COL27A1: variants seen among roughly 807,000 people sequenced by gnomAD.
COL27A1 encodes the protein collagen alpha-1(XXVII) chain.
In COL27A1, 106 loss-of-function variants were observed where a neutral mutation model predicts 251.3. The ratio of observed to expected loss-of-function variants is 0.42; its 90% CI spans 0.36 to 0.50. The LOEUF (loss-of-function observed/expected upper bound fraction) is 0.50, where lower values mean the gene tolerates loss of function less well. Ranked by LOEUF, COL27A1 falls within the 20% of genes least tolerant of loss-of-function variation. COL27A1 has a pLI of 0.00. For missense variants in COL27A1, 2,325 were observed against 2,522.8 expected (o/e 0.92, Z 1.68); for synonymous variants, 1,000 against 986.3 (o/e 1.01, Z -0.26).
At chr9:114,156,452 T>C (rs1176333612) in intron 1 of COL27A1, among the ~76,000 whole-genome samples, 1 of 152,066 alleles carries the variant, frequency 6.6e-6, no homozygotes, top group African/African-American at 2.4e-5. Context: ...TGTGAAATTG[T>C]CCGCAAGTTT....
chr9:114,168,802 C>G lies in COL27A1; in HGVS notation c.1247C>G (p.Ala416Gly). ...CCACCTACTTCCCGTCCAGTTCCTG[C>G]CAGAGTCTCCCGTCCCGCAGAGAAG... ...QVPPTSRPVP[A>G]RVSRPAEKPI... The change falls in exon 3 of 61, where the codon GCC becomes GGC. Residue 416 changes from alanine to glycine, a missense_variant. This residue lies in a region of COL27A1 where 1,183 missense variants were observed against 1,144.1 expected (regional missense o/e 1.03). Coordinates refer to ENST00000356083, the MANE Select transcript of COL27A1 (RefSeq NM_032888.4). 6.2e-7 allele frequency: 1 copy of G among 1,614,050 alleles called. No homozygotes were observed. Among genetic ancestry groups the G allele is most frequent in the African/African-American group, 1.3e-5 (1 of 75,046 alleles).
At chr9:114,186,473 T>TA (rs774100051) in intron 5 of COL27A1, among the ~76,000 whole-genome samples, 6 of 152,148 alleles carry the variant, frequency 3.9e-5, no homozygotes, top group Non-Finnish European at 8.8e-5. Flanking sequence ...AATGCAGACT[T>TA]ACACCATGAT....
chr9:114,236,966 C>A lies in COL27A1; in HGVS notation c.2620-15C>A. 6.2e-7 allele frequency: 1 copy of A among 1,613,590 alleles called. No homozygotes were observed. Among genetic ancestry groups the A allele is most frequent in the Non-Finnish European group, 8.5e-7 (1 of 1,179,846 alleles). ...TCTTCCTCACTAACCCCAGCCTGCT[C>A]TGGATCTCTTCCAGGGGAGCCAGGG... On this transcript the variant is annotated splice_polypyrimidine_tract_variant and intron_variant, in intron 17 of 60. Transcript: ENST00000356083.
chr9:114,165,467 CATCT>C (rs530046431), intron 2 of COL27A1, among the ~76,000 whole-genome samples: 81 of 150,604 alleles, frequency 5.4e-4, no homozygotes, highest in African/African-American at 1.5e-3. Flanking sequence ...CCCATCCATC[CATCT>C]ATCTACCAAT....
rs934294786 is a variant in COL27A1 at position 114,178,469 on chromosome 9, T to G, written c.1962+125T>G. On this transcript the variant is annotated intron_variant, in intron 4 of 60. Coordinates refer to ENST00000356083, the MANE Select transcript of COL27A1 (RefSeq NM_032888.4). ...TCCCTCCCCCTCTCTGGCACCCATA[T>G]TTGGCTTTATCCATTTGGAGTGGAC... is the stretch of plus-strand genomic sequence containing the variant. 6 of 868,854 alleles carry G rather than the reference T, an allele frequency of 6.9e-6. No individual in the cohort carries two copies. In the South Asian group the frequency reaches 8.7e-5, roughly 13 times the overall value. The allele number at this position is 868,854 out of a possible 1,614,324, so 53.8% of individuals were successfully genotyped here. A position where few individuals can be genotyped will look rare whatever the true frequency, so the allele number is the denominator to read the frequency against.
At chr9:114,181,957 C>T (rs1290523088) in intron 4 of COL27A1, among the ~76,000 whole-genome samples, 2 of 152,124 alleles carry the variant, frequency 1.3e-5, no homozygotes, top group Non-Finnish European at 2.9e-5. Flanking sequence ...GGTCTGATCA[C>T]GTGTTGTAGC....
chr9:114,284,085 C>T (rs35169188), intron 40 of COL27A1, among the ~76,000 whole-genome samples: 23 of 152,340 alleles, frequency 1.5e-4, no homozygotes, highest in Non-Finnish European at 1.9e-4. Context: ...TCCAGGTTGG[C>T]ACCTTCTTAG....
rs369369527 is a variant in COL27A1 at position 114,309,313 on chromosome 9, C to G, written c.5271C>G (p.Ser1757=). The change falls in exon 60 of 61, where the codon TCC becomes TCG. Residue 1757 remains serine, a synonymous_variant. Transcript: ENST00000356083. The part of the protein sequence containing the change: ...VQMNFLHLLS[S]EVTQHITIHC... ...TGAATTTCCTGCACCTGCTAAGCTCCGAGGTGACCCAGCACATCACCATCC... is the reference window on the plus strand; with the variant it reads ...TGAATTTCCTGCACCTGCTAAGCTCGGAGGTGACCCAGCACATCACCATCC... The G allele has an allele frequency of 6.2e-7, 1 of 1,614,012 alleles. No homozygotes were observed. Among genetic ancestry groups the G allele is most frequent in the Non-Finnish European group, 8.5e-7 (1 of 1,180,034 alleles).
At chr9:114,206,122 C>A in intron 9 of COL27A1, 130 bp from the exon 10 acceptor site, 1 of 901,830 alleles carries the variant, frequency 1.1e-6, no homozygotes, top group Non-Finnish European at 1.8e-6. Context: ...GGCCAAAGAT[C>A]GCTGATCTAA....
intron 22 of COL27A1, among the ~76,000 whole-genome samples, chr9:114,242,986 T>C (rs1259854322): frequency 3.9e-5 from 6 of 152,218 alleles, no homozygotes; most frequent in Non-Finnish European, 7.3e-5. Flanking sequence ...ACTCCGCTTC[T>C]GCATTCAATC....
chr9:114,162,800 T>G lies in COL27A1; in HGVS notation c.133+15T>G, dbSNP rs1215509515. ...AGCTCCTGAAGGTAATTCTCTCTTC[T>G]CTTTGTCCAGGGGGAGACAAAGGAG... On this transcript the variant is annotated intron_variant, in intron 2 of 60. Coordinates refer to ENST00000356083, the MANE Select transcript of COL27A1 (RefSeq NM_032888.4). The G allele has an allele frequency of 6.3e-7, 1 of 1,598,602 alleles. No individual in the cohort carries two copies. Among genetic ancestry groups the G allele is most frequent in the Non-Finnish European group, 8.6e-7 (1 of 1,166,542 alleles).
chr9:114,296,587 C>G (rs1410818078), intron 49 of COL27A1, among the ~76,000 whole-genome samples: 1 of 152,158 alleles, frequency 6.6e-6, no homozygotes, highest in Non-Finnish European at 1.5e-5. Flanking sequence ...GAAACTGAAA[C>G]TTTCAAATGC....
At chr9:114,300,001 T>A in intron 49 of COL27A1, 69 bp from the exon 50 acceptor site, 1 of 1,494,840 alleles carries the variant, frequency 6.7e-7, no homozygotes, top group South Asian at 1.1e-5. Context: ...GGCCCTGAGG[T>A]CCCAGGTGGC....
At chr9:114,231,545 C>T (rs979063882) in intron 15 of COL27A1, among the ~76,000 whole-genome samples, 14 of 152,184 alleles carry the variant, frequency 9.2e-5, no homozygotes, top group Non-Finnish European at 1.9e-4. Flanking sequence ...ATTTAACCAA[C>T]GTGCGTGTGA....
Position 114,275,853 on chromosome 9 carries a change from T to C in COL27A1, c.3717+85T>C, listed in dbSNP as rs996959890. 13 of 853,160 alleles carry C rather than the reference T, an allele frequency of 1.5e-5. No homozygotes were observed. The Admixed American group carries it at 3.4e-4, about 22-fold the overall frequency. 52.8% of individuals were successfully genotyped at this position (853,160 alleles called of 1,614,324 possible). A position where few individuals can be genotyped will look rare whatever the true frequency, so the allele number is the denominator to read the frequency against. On this transcript the variant is annotated intron_variant, in intron 37 of 60. Transcript: ENST00000356083. ...TGTGCAGGCGGCTGGGCGGGAGGGC[T>C]TTTGGTCGTGCCACTGAAGGATCTT...
chr9:114,284,696 C>T (rs1452791213), intron 40 of COL27A1, 28 bp from the exon 41 acceptor site: 2 of 1,613,156 alleles, frequency 1.2e-6, no homozygotes, highest in African/African-American at 2.7e-5. Context: ...TCCTCATTCT[C>T]ACTTCCCTCC....
intron 28 of COL27A1, among the ~76,000 whole-genome samples, chr9:114,258,822 C>T (rs527958750): frequency 6.6e-5 from 10 of 152,336 alleles, no homozygotes; most frequent in South Asian, 4.1e-4. Flanking sequence ...CAGGCACAGT[C>T]GGGCTCTCCG....
intron 29 of COL27A1, 150 bp downstream of exon 29, chr9:114,264,558 C>T: frequency 1.7e-6 from 1 of 590,102 alleles, no homozygotes; most frequent in Non-Finnish European, 2.8e-6. Flanking sequence ...GAGCTTAGCC[C>T]TTCCACTCCT....
At position 114,155,793 on chromosome 9, in the gene COL27A1, C is replaced by A; in HGVS notation, c.-158C>A. ...CGCCCGCGGGGCCCCAGCCGCGCTGCCTGCCTGCTCGGGCGCCCCTGGGCG... is the reference window on the plus strand; with the variant it reads ...CGCCCGCGGGGCCCCAGCCGCGCTGACTGCCTGCTCGGGCGCCCCTGGGCG... On this transcript the variant is annotated 5_prime_UTR_variant, in exon 1 of 61. An upstream open reading frame in the 5' UTR gains an earlier in-frame stop. Coordinates refer to ENST00000356083, the MANE Select transcript of COL27A1 (RefSeq NM_032888.4). This position sits in a 1 kb window ranked among gnomAD's most constrained non-coding sequence, Gnocchi z 5.5. 1 of 440,832 alleles carries A rather than the reference C, an allele frequency of 2.3e-6. No individual in the cohort carries two copies. The highest frequency in any genetic ancestry group is 3.0e-6 in the Non-Finnish European group (1 of 334,058). 27.3% of individuals were successfully genotyped at this position (440,832 alleles called of 1,614,324 possible). A position where few individuals can be genotyped will look rare whatever the true frequency, so the allele number is the denominator to read the frequency against.
Sources: gnomAD v4.1 joint callset for allele counts (sites outside exome capture counted in the v4.1 genomes callset) on GRCh38, gnomAD v4.1.1 for gene constraint, gnomAD v4.1.1 regional missense constraint, Gnocchi (gnomAD v3.1) non-coding constraint, MANE v1.5 for transcripts, NCBI Gene and HGNC (gene_info 2026-07-23, HGNC 2026-07-21) for gene names.